HTRA3: variants seen among roughly 807,000 people sequenced by gnomAD.
HTRA3 encodes the protein HtrA serine peptidase 3, also known as serine protease HTRA3.
Under a neutral mutation model 43.2 loss-of-function variants are expected in HTRA3, and 41 were observed. That is an observed-to-expected ratio of 0.95 (90% confidence interval 0.74 to 1.23). The LOEUF is 1.23. HTRA3 is among the 50% of genes most tolerant of loss of function. The pLI, the probability that HTRA3 is intolerant of heterozygous loss-of-function variation, is 0.00. For missense variants in HTRA3, 628 were observed against 647.1 expected (o/e 0.97, Z 0.32); for synonymous variants, 295 against 287.9 (o/e 1.02, Z -0.25).
In HTRA3 at chr4:8,291,552, T is replaced by C; in HGVS notation, c.891T>C (p.Asp297=). 2 of 1,592,372 alleles carry C rather than the reference T, an allele frequency of 1.3e-6. No homozygotes were observed. Among genetic ancestry groups the C allele is most frequent in the South Asian group, 1.1e-5 (1 of 89,146 alleles). The part of the protein sequence containing the change: ...RDSDMDYIQT[D]AIINYGNSGG... ...CCGACATGGACTACATCCAGACGGA[T>C]GCCATCATCAACGTGAGTCCCAGGG... The change falls in exon 4 of 9, where the codon GAT becomes GAC. Residue 297 remains aspartate, a synonymous_variant. Coordinates refer to ENST00000307358, the MANE Select transcript of HTRA3 (RefSeq NM_053044.5).
chr4:8,273,051 T>A (rs1170254639), intron 1 of HTRA3, among the ~76,000 whole-genome samples: 1 of 152,158 alleles, frequency 6.6e-6, no homozygotes, highest in Non-Finnish European at 1.5e-5. Context: ...CCTGGTCCTT[T>A]CCCAGGCACC....
At chr4:8,294,994 C>T (rs2153006566) in intron 6 of HTRA3, among the ~76,000 whole-genome samples, 1 of 152,074 alleles carries the variant, frequency 6.6e-6, no homozygotes, top group South Asian at 2.1e-4. Context: ...ATCCATCCAT[C>T]TACTCATCCA....
intron 6 of HTRA3, among the ~76,000 whole-genome samples, chr4:8,298,776 T>C (rs1578806434): frequency 6.6e-6 from 1 of 152,226 alleles, no homozygotes; most frequent in African/African-American, 2.4e-5. Context: ...TGTTCTCTAC[T>C]GAAGTGCCTT....
chr4:8,293,648 G>C (rs890616483), intron 5 of HTRA3, among the ~76,000 whole-genome samples: 2 of 152,110 alleles, frequency 1.3e-5, no homozygotes, highest in African/African-American at 4.8e-5. Flanking sequence ...AGAGGGATGG[G>C]GGGGTCAAGG....
chr4:8,274,130 GC>G (rs1712421442), intron 1 of HTRA3, among the ~76,000 whole-genome samples: 1 of 152,242 alleles, frequency 6.6e-6, no homozygotes, highest in East Asian at 1.9e-4. Flanking sequence ...CTGCCACCTG[GC>G]CCGCATCACC....
rs750841475 is a variant in HTRA3, at chr4:8,291,361, C to T, written c.709-9C>T. 1 of 1,612,628 alleles carries T rather than the reference C, an allele frequency of 6.2e-7. No individual in the cohort carries two copies. The highest frequency in any genetic ancestry group is 8.5e-7 in the Non-Finnish European group (1 of 1,179,364). ...CTCCCTCTCTGTGTCTTCTCCTTCTCTCTCCTAGAAAAAGCTCCCTGTGTT... is the reference window on the plus strand; with the variant it reads ...CTCCCTCTCTGTGTCTTCTCCTTCTTTCTCCTAGAAAAAGCTCCCTGTGTT... On this transcript the variant is annotated splice_polypyrimidine_tract_variant and intron_variant, in intron 3 of 8. Transcript: ENST00000307358.
chr4:8,293,070 C>T (rs939895773), intron 5 of HTRA3, among the ~76,000 whole-genome samples: 5 of 152,130 alleles, frequency 3.3e-5, no homozygotes, highest in Admixed American at 3.3e-4. Context: ...TTGCAGGAGG[C>T]TCTCAGAGGC....
In HTRA3 at chr4:8,286,361, T is replaced by C. The variant is rs1406290417; in HGVS notation, c.486-200T>C. 6.6e-6 allele frequency among the ~76,000 whole-genome samples: 1 copy of C among 152,138 alleles called. No homozygotes were observed. Among genetic ancestry groups the C allele is most frequent in the Non-Finnish European group, 1.5e-5 (1 of 68,024 alleles). On this transcript the variant is annotated intron_variant, in intron 2 of 8. Transcript: ENST00000307358. This position sits in a 1 kb window ranked among gnomAD's most constrained non-coding sequence, Gnocchi z 4.9. The stretch of plus-strand genomic sequence containing the variant: ...AGAGGTGATCATCATCACCTCTTTA[T>C]GGCTGTGAATGGGTGCAGGCGCCGG...
chr4:8,299,832 T>G lies in HTRA3; in HGVS notation c.1052-2631T>G, dbSNP rs1009970777. ...AACCTCACTTATCACTTATTTGTGA[T>G]GTATTATCCTTTTTTTTTTTTTTTT... On this transcript the variant is annotated intron_variant, in intron 6 of 8. Coordinates refer to ENST00000307358, the MANE Select transcript of HTRA3 (RefSeq NM_053044.5). Among the ~76,000 whole-genome samples the G allele has an allele frequency of 1.4e-4, 20 of 144,450 alleles. 1 individual carries two copies. Among genetic ancestry groups the G allele is most frequent in the African/African-American group, 4.8e-4 (19 of 39,498 alleles). The allele number at this position is 144,450 out of a possible 152,430, so 94.8% of individuals were successfully genotyped here.
chr4:8,292,825 T>A (rs1380165613), intron 5 of HTRA3, among the ~76,000 whole-genome samples: 1 of 151,980 alleles, frequency 6.6e-6, no homozygotes. Flanking sequence ...GATCGGACGG[T>A]CCCACCCCTG....
At chr4:8,275,986 G>A (rs1485185120) in intron 1 of HTRA3, among the ~76,000 whole-genome samples, 1 of 152,218 alleles carries the variant, frequency 6.6e-6, no homozygotes, top group Non-Finnish European at 1.5e-5. Flanking sequence ...GGGTGGGACA[G>A]GGTTTAAAAT....
intron 1 of HTRA3, among the ~76,000 whole-genome samples, chr4:8,271,915 G>A (rs1712293408): frequency 6.6e-6 from 1 of 152,212 alleles, no homozygotes; most frequent in African/African-American, 2.4e-5. Flanking sequence ...GGTCCGGCTT[G>A]TGTTGAGACT....
At chr4:8,290,380 G>A (rs1713186576) in intron 3 of HTRA3, among the ~76,000 whole-genome samples, 2 of 152,256 alleles carry the variant, frequency 1.3e-5, no homozygotes, top group African/African-American at 4.8e-5. Context: ...GCCTGGTGGA[G>A]GGGAGCCATC....
intron 1 of HTRA3, 128 bp from the exon 2 acceptor site, chr4:8,282,309 G>A (rs1712779812): frequency 1.4e-6 from 1 of 728,628 alleles, no homozygotes; most frequent in Non-Finnish European, 2.3e-6. Context: ...AGTGTGGGCT[G>A]AGGCTGGCTC....
chr4:8,278,710 C>G (rs1712627280), intron 1 of HTRA3, among the ~76,000 whole-genome samples: 1 of 152,180 alleles, frequency 6.6e-6, no homozygotes, highest in Non-Finnish European at 1.5e-5. Context: ...AGGGGTGCCC[C>G]AGGCTCTGGG....
chr4:8,300,093 G>A (rs981530662), intron 6 of HTRA3, among the ~76,000 whole-genome samples: 4 of 152,180 alleles, frequency 2.6e-5, no homozygotes, highest in African/African-American at 9.7e-5. Context: ...ACCTGCCTTG[G>A]CCTCCCAGAG....
chr4:8,306,296 G>A lies in HTRA3; in HGVS notation c.*160G>A, dbSNP rs1219045504. On this transcript the variant is annotated 3_prime_UTR_variant, in exon 9 of 9. Transcript: ENST00000307358. The surrounding 1 kb of genome is among the most constrained non-coding windows in gnomAD (Gnocchi z 8.9). ...GGAGGCTGGGCTTGGCCAGGGGCCC[G>A]AATTTCCGCCTGGGGAGTGTTGGAT... is the stretch of plus-strand genomic sequence containing the variant. 18 of 714,216 alleles carry A rather than the reference G, an allele frequency of 2.5e-5. No homozygotes were observed. In the Admixed American group the frequency reaches 4.0e-4, roughly 16 times the overall value. 44.2% of individuals were successfully genotyped at this position (714,216 alleles called of 1,614,324 possible). A position where few individuals can be genotyped will look rare whatever the true frequency, so the allele number is the denominator to read the frequency against.
chr4:8,298,953 C>A (rs187097216), intron 6 of HTRA3, among the ~76,000 whole-genome samples: 5 of 152,304 alleles, frequency 3.3e-5, no homozygotes, highest in Admixed American at 3.3e-4. Flanking sequence ...TGTGTGGACT[C>A]CTCAGACCCT....
At chr4:8,304,125 C>T (rs1249763015) in intron 7 of HTRA3, 59 bp from the exon 8 acceptor site, 1 of 1,429,618 alleles carries the variant, frequency 7.0e-7, no homozygotes, top group Non-Finnish European at 9.8e-7. Flanking sequence ...GGGGCAGCTT[C>T]ATACCAAAGA....
Sources: gnomAD v4.1 joint callset for allele counts (sites outside exome capture counted in the v4.1 genomes callset) on GRCh38, gnomAD v4.1.1 for gene constraint, Gnocchi (gnomAD v3.1) non-coding constraint, MANE v1.5 for transcripts, NCBI Gene and HGNC (gene_info 2026-07-23, HGNC 2026-07-21) for gene names.